Variants in TOM1L2 observed in about 807,000 individuals in gnomAD.
TOM1L2 encodes target of myb1 like 2 membrane trafficking protein, also known as TOM1-like protein 2.
A neutral mutation model predicts 67.9 loss-of-function variants in TOM1L2; 31 were observed. That is an observed-to-expected ratio of 0.46 (90% confidence interval 0.34 to 0.62). TOM1L2 has a LOEUF of 0.62. TOM1L2 is among the 20% of genes least tolerant of loss of function. TOM1L2 has a pLI of 0.01. For missense variants in TOM1L2, 606 were observed against 663.5 expected, an observed-to-expected ratio of 0.91 and a Z score of 0.95; for synonymous variants, 256 against 254.0, an observed-to-expected ratio of 1.01 and a Z score of -0.07.
At chr17:17,850,390 C>T (rs2035892398) in intron 13 of TOM1L2, among the ~76,000 whole-genome samples, 1 of 151,646 alleles carries the variant, frequency 6.6e-6, no homozygotes, top group African/African-American at 2.4e-5. Flanking sequence ...GTCTTTGGGG[C>T]AGGGGTTCTT....
chr17:17,876,958 A>G (rs565191915), intron 7 of TOM1L2, among the ~76,000 whole-genome samples: 1 of 152,278 alleles, frequency 6.6e-6, no homozygotes, highest in East Asian at 1.9e-4. Flanking sequence ...GTCTCTCCCA[A>G]CTCAGAGAGT....
Position 17,866,373 on chromosome 17 carries a change from C to T in TOM1L2, c.1007G>A (p.Gly336Glu). Residue 336 changes from glycine (G) to glutamate (E), a missense_variant, in exon 10 of 15, where the codon GGG (glycine) becomes GAG (glutamate). Physicochemically the swap from Gly to Glu is moderately conservative, Grantham distance 98. Coordinates refer to ENST00000379504, the MANE Select transcript of TOM1L2 (RefSeq NM_001082968.2). ...CATTGGGCTCACCACGGCTGGAGAC[C>T]CTGGCCCCAGGTCTATTAAGTTGTC... Reference protein sequence around the residue: ...TEDNLIDLGPGSPAVVSPMVG... With the variant: ...TEDNLIDLGPESPAVVSPMVG... 1.2e-6 allele frequency: 2 copies of T among 1,608,942 alleles called. No homozygotes were observed. Among genetic ancestry groups the T allele is most frequent in the Non-Finnish European group, 1.7e-6 (2 of 1,177,426 alleles).
Position 17,918,250 on chromosome 17 carries a change from C to CT in TOM1L2, c.53-10720dup, listed in dbSNP as rs543825057. On this transcript the variant is annotated intron_variant, in intron 1 of 14. Coordinates refer to ENST00000379504, the MANE Select transcript of TOM1L2 (RefSeq NM_001082968.2). ...TATGTTATTCGCTCTAGCAGTTTTT[C>CT]TTTTTTTTTTTGTTTTGTGGTATCT... Among the ~76,000 whole-genome samples, 424 of 143,656 alleles carry CT rather than the reference C, an allele frequency of 3.0e-3. 3 individuals are homozygous for CT. Among genetic ancestry groups the CT allele is most frequent in the Non-Finnish European group, 5.3e-3 (347 of 64,980 alleles). The allele number at this position is 143,656 out of a possible 152,430, so 94.2% of individuals were successfully genotyped here.
In TOM1L2 at chr17:17,895,281, G is replaced by A. The variant is rs750514553; in HGVS notation, c.217-1471C>T. 2.6e-5 allele frequency among the ~76,000 whole-genome samples: 4 copies of A among 152,120 alleles called. No homozygotes were observed. In the East Asian group the frequency reaches 5.8e-4, roughly 22 times the overall value. ...TAACTGGGGAATGCCTCCTCAAAACGATGTCACCAGCAACAGGGAACATTT... is the reference window on the plus strand; with the variant it reads ...TAACTGGGGAATGCCTCCTCAAAACAATGTCACCAGCAACAGGGAACATTT... On this transcript the variant is annotated intron_variant, in intron 3 of 14. Transcript: ENST00000379504.
chr17:17,944,473 C>T (rs965735635), intron 1 of TOM1L2, among the ~76,000 whole-genome samples: 14 of 152,198 alleles, frequency 9.2e-5, no homozygotes, highest in African/African-American at 2.7e-4. Context: ...TCCATGGCTG[C>T]AAACCTAAAG....
chr17:17,946,765 C>T (rs2040969893), intron 1 of TOM1L2, among the ~76,000 whole-genome samples: 1 of 152,058 alleles, frequency 6.6e-6, no homozygotes, highest in South Asian at 2.1e-4. Context: ...CACTCTATCG[C>T]CCAGGCTGGA....
chr17:17,856,207 G>C (rs181720210), intron 12 of TOM1L2, among the ~76,000 whole-genome samples: 3 of 152,366 alleles, frequency 2.0e-5, no homozygotes, highest in African/African-American at 7.2e-5. Context: ...TCTTCCCAAT[G>C]AATGGACATG....
At chr17:17,867,599 G>T (rs765929422) in intron 8 of TOM1L2, among the ~76,000 whole-genome samples, 4 of 152,196 alleles carry the variant, frequency 2.6e-5, no homozygotes, top group Non-Finnish European at 5.9e-5. Context: ...GTGTGTTGGG[G>T]TGGGGCAGAA....
intron 1 of TOM1L2, among the ~76,000 whole-genome samples, chr17:17,915,132 T>C (rs536933582): frequency 3.9e-5 from 6 of 152,358 alleles, no homozygotes; most frequent in African/African-American, 1.2e-4. Context: ...TATGTTATTA[T>C]CTGAGTATCG....
intron 1 of TOM1L2, among the ~76,000 whole-genome samples, chr17:17,931,631 CAT>C (rs763629822): frequency 3.3e-5 from 5 of 152,226 alleles, no homozygotes; most frequent in Non-Finnish European, 7.3e-5. Flanking sequence ...AGACCTTACA[CAT>C]GAGGGGACCT....
intron 2 of TOM1L2, among the ~76,000 whole-genome samples, chr17:17,903,587 T>C (rs1598302225): frequency 7.4e-6 from 1 of 134,412 alleles, no homozygotes; most frequent in African/African-American, 2.9e-5. Flanking sequence ...CACTCCAGCC[T>C]GGGCGACAGA....
chr17:17,921,501 G>A (rs928455005), intron 1 of TOM1L2, among the ~76,000 whole-genome samples: 2 of 152,088 alleles, frequency 1.3e-5, no homozygotes, highest in Admixed American at 6.6e-5. Context: ...GTAGCTGGGG[G>A]AAGAGGCCAA....
intron 6 of TOM1L2, among the ~76,000 whole-genome samples, chr17:17,881,867 C>A (rs2037741320): frequency 6.6e-6 from 1 of 152,240 alleles, no homozygotes; most frequent in Non-Finnish European, 1.5e-5. Flanking sequence ...TCCCTACACA[C>A]ACATTGCTTG....
intron 1 of TOM1L2, among the ~76,000 whole-genome samples, chr17:17,911,849 G>GACGACTCTTA (rs1249486054): frequency 6.8e-6 from 1 of 147,358 alleles, no homozygotes; most frequent in Non-Finnish European, 1.5e-5. Context: ...AGGGAGTGGT[G>GACGACTCTTA]ACGACTCTTA....
At chr17:17,922,067 G>A (rs1380252568) in intron 1 of TOM1L2, among the ~76,000 whole-genome samples, 2 of 152,154 alleles carry the variant, frequency 1.3e-5, no homozygotes, top group Non-Finnish European at 2.9e-5. Flanking sequence ...CAACTGTGAG[G>A]CCTCTCCCTG....
At chr17:17,857,748 G>A (rs1042241932) in intron 12 of TOM1L2, 3 of 1,533,650 alleles carry the variant, frequency 2.0e-6, no homozygotes, top group Non-Finnish European at 2.6e-6. Context: ...AGCAGGCTTG[G>A]CTCGGCTGGT....
At chr17:17,970,669 A>G (rs543533492) in intron 1 of TOM1L2, among the ~76,000 whole-genome samples, 67 of 152,342 alleles carry the variant, frequency 4.4e-4, no homozygotes, top group African/African-American at 1.5e-3. Context: ...TCCCTCATGC[A>G]TTATAAAAGA....
Position 17,847,687 on chromosome 17 carries a change from G to C in TOM1L2, c.1472C>G (p.Pro491Arg). ...CCGCTCTGGCTTCTTCCGGCCAGAA[G>C]GGTTTGAGGCTGGGGCAGGAGCCTC... ...PMEAPAPASN[P>R]SGRKKPERSE... Residue 491 changes from proline (P) to arginine (R), a missense_variant, in exon 15 of 15, where the codon CCT becomes CGT. Pro to Arg is a moderately radical substitution (Grantham distance 103). Transcript: ENST00000379504. 2 of 1,614,040 alleles carry C rather than the reference G, an allele frequency of 1.2e-6. No individual in the cohort carries two copies. Among genetic ancestry groups the C allele is most frequent in the Non-Finnish European group, 1.7e-6 (2 of 1,179,994 alleles).
chr17:17,952,392 T>C (rs1319504733), intron 1 of TOM1L2, among the ~76,000 whole-genome samples: 8 of 133,108 alleles, frequency 6.0e-5, no homozygotes, highest in African/African-American at 8.5e-5. Flanking sequence ...TTTTTTTTTT[T>C]TTTTTTTTTT....
Sources: allele counts gnomAD v4.1 joint callset (sites outside exome capture counted in the v4.1 genomes callset), GRCh38; gene constraint gnomAD v4.1.1; transcripts MANE v1.5; gene names NCBI Gene and HGNC (gene_info 2026-07-23, HGNC 2026-07-21).